The following SHISA9 variants were observed in gnomAD, a reference collection of about 807,000 sequenced individuals.
SHISA9 encodes the protein shisa family member 9.
A neutral mutation model predicts 38.0 loss-of-function variants in SHISA9; 13 were observed. That is an observed-to-expected ratio of 0.34 (90% CI 0.22 to 0.54). The LOEUF (loss-of-function observed/expected upper bound fraction) is 0.54. Among genes scored for constraint, SHISA9 ranks in the 20% least tolerant of loss-of-function variants. The probability of loss-of-function intolerance (pLI) is 0.91; values close to 1 mark genes in which losing one functional copy is unlikely to be tolerated. For synonymous variants in SHISA9, 275 were observed against 242.0 expected (o/e 1.14, Z -1.27); for missense variants, 538 against 575.8 (o/e 0.93, Z 0.67).
At chr16:13,474,092 T>C in the SHISA9 span, 1 of 152,214 alleles carries the variant, frequency 6.6e-6, no homozygotes, top group African/African-American at 2.4e-5. Context: ...CTAGACTGAC[T>C]TCTTGCTGTG....
intron 2 of SHISA9, among the ~76,000 whole-genome samples, chr16:13,039,571 G>A (rs2073111530): frequency 6.7e-6 from 1 of 149,822 alleles, no homozygotes. Context: ...GAAACACAGA[G>A]TATAATATAA....
the SHISA9 span, among the ~76,000 whole-genome samples, chr16:13,262,189 CAAAAT>C: frequency 6.6e-6 from 1 of 152,092 alleles, no homozygotes; most frequent in Non-Finnish European, 1.5e-5. Flanking sequence ...CCAAAGAAAA[CAAAAT>C]AAAACATACA....
At chr16:13,508,850 G>A in the SHISA9 span, among the ~76,000 whole-genome samples, 1 of 152,106 alleles carries the variant, frequency 6.6e-6, no homozygotes, top group African/African-American at 2.4e-5. Context: ...CCACTCTTCT[G>A]GTTCCTATTG....
At chr16:13,213,205 G>A (rs1188702574) in intron 3 of SHISA9, 48 bp from the exon 4 acceptor site, 2 of 1,523,054 alleles carry the variant, frequency 1.3e-6, no homozygotes, top group African/African-American at 2.8e-5. Context: ...GTGAACATGG[G>A]TGCCCTGCAA....
chr16:13,304,327 C>T, the SHISA9 span, among the ~76,000 whole-genome samples: 202 of 152,358 alleles, frequency 1.3e-3, no homozygotes, highest in African/African-American at 4.0e-3. Flanking sequence ...AGCATGATCA[C>T]GGCTCACCGT....
the SHISA9 span, among the ~76,000 whole-genome samples, chr16:13,562,447 C>A: frequency 1.3e-5 from 2 of 151,888 alleles, no homozygotes; most frequent in Non-Finnish European, 2.9e-5. Context: ...CTGGCCAACA[C>A]GGTGAAACCC....
chr16:13,192,477 T>C (rs985633299), intron 2 of SHISA9, among the ~76,000 whole-genome samples: 2 of 151,944 alleles, frequency 1.3e-5, no homozygotes, highest in African/African-American at 4.8e-5. Context: ...TGGAACACCA[T>C]AGACACTAAA....
At chr16:13,094,423 A>C (rs542674354) in intron 2 of SHISA9, among the ~76,000 whole-genome samples, 1 of 152,130 alleles carries the variant, frequency 6.6e-6, no homozygotes, top group African/African-American at 2.4e-5. Context: ...GCATTTAATT[A>C]TTTTAATACA....
intron 2 of SHISA9, among the ~76,000 whole-genome samples, chr16:12,929,845 C>T (rs1344677147): frequency 6.6e-6 from 1 of 152,044 alleles, no homozygotes; most frequent in Non-Finnish European, 1.5e-5. Flanking sequence ...GAATTGCTTC[C>T]ACTTCAGGGG....
intron 2 of SHISA9, among the ~76,000 whole-genome samples, chr16:13,131,255 A>T (rs1016445504): frequency 6.6e-6 from 1 of 152,188 alleles, no homozygotes; most frequent in Non-Finnish European, 1.5e-5. Flanking sequence ...AAATGTAAAA[A>T]ATATACATCA....
the SHISA9 span, among the ~76,000 whole-genome samples, chr16:13,438,700 T>C: frequency 6.6e-6 from 1 of 152,192 alleles, no homozygotes; most frequent in Non-Finnish European, 1.5e-5. Context: ...TGGCAAACTG[T>C]GAAGACTATG....
chr16:12,975,531 A>G (rs550824399), intron 2 of SHISA9, among the ~76,000 whole-genome samples: 3 of 151,572 alleles, frequency 2.0e-5, no homozygotes, highest in Non-Finnish European at 4.4e-5. Flanking sequence ...GAATAGAGTT[A>G]TTAGCTCTGT....
chr16:13,386,003 G>A, the SHISA9 span, among the ~76,000 whole-genome samples: 4 of 152,164 alleles, frequency 2.6e-5, no homozygotes, highest in Admixed American at 2.0e-4. Context: ...AGGGAAGTGT[G>A]TGTGAGTAAG....
chr16:12,983,096 A>G (rs898465776), intron 2 of SHISA9, among the ~76,000 whole-genome samples: 1 of 152,206 alleles, frequency 6.6e-6, no homozygotes, highest in African/African-American at 2.4e-5. Flanking sequence ...TCTGGGTGCC[A>G]TTTAGAATCA....
chr16:13,283,191 AC>A, the SHISA9 span, among the ~76,000 whole-genome samples: 1 of 152,122 alleles, frequency 6.6e-6, no homozygotes, highest in Non-Finnish European at 1.5e-5. Context: ...ACTTTGTGCA[AC>A]TTTGGCTTTA....
the SHISA9 span, among the ~76,000 whole-genome samples, chr16:13,253,539 C>T: frequency 1.3e-5 from 2 of 152,242 alleles, no homozygotes; most frequent in Non-Finnish European, 2.9e-5. Context: ...GAAGCAAAGT[C>T]GAATCTTGCA....
At chr16:13,101,400 A>G (rs1376471995) in intron 2 of SHISA9, among the ~76,000 whole-genome samples, 1 of 152,196 alleles carries the variant, frequency 6.6e-6, no homozygotes, top group Admixed American at 6.5e-5. Context: ...TACAATTTTA[A>G]TTTTTCAATC....
At chr16:13,494,879 A>G in the SHISA9 span, among the ~76,000 whole-genome samples, 1 of 152,252 alleles carries the variant, frequency 6.6e-6, no homozygotes, top group Non-Finnish European at 1.5e-5. Flanking sequence ...TTAATAGGTC[A>G]ATGGTTATAT....
intron 2 of SHISA9, among the ~76,000 whole-genome samples, chr16:13,151,940 G>A (rs1232887230): frequency 1.3e-5 from 2 of 152,144 alleles, no homozygotes; most frequent in Admixed American, 1.3e-4. Flanking sequence ...CACATAGTAG[G>A]TGTTATCATT....
Sources: allele counts gnomAD v4.1 joint callset (sites outside exome capture counted in the v4.1 genomes callset), GRCh38; gene constraint gnomAD v4.1.1; transcripts MANE v1.5; gene names NCBI Gene and HGNC (gene_info 2026-07-23, HGNC 2026-07-21).